The following CACNA1H variants were observed in gnomAD, a reference collection of about 807,000 sequenced individuals.
CACNA1H encodes voltage-dependent T-type calcium channel subunit alpha-1H.
Under a neutral mutation model 192.5 loss-of-function variants are expected in CACNA1H, and 149 were observed. The ratio of observed to expected loss-of-function variants is 0.77; its 90% CI spans 0.68 to 0.89. The LOEUF (loss-of-function observed/expected upper bound fraction) is 0.89, where lower values mean the gene tolerates loss of function less well. CACNA1H is among the 40% of genes least tolerant of loss of function. The probability of loss-of-function intolerance (pLI) is 0.00; values close to 1 mark genes in which losing one functional copy is unlikely to be tolerated. For missense variants in CACNA1H, 4,257 were observed against 3,423.5 expected (o/e 1.24, Z -6.08); for synonymous variants, 2,202 against 1,475.2 (o/e 1.49, Z -11.29).
intron 2 of CACNA1H, among the ~76,000 whole-genome samples, chr16:1,173,974 C>T (rs1010858076): frequency 1.3e-5 from 2 of 152,114 alleles, no homozygotes; most frequent in South Asian, 2.1e-4. Context: ...CCTCACGTCA[C>T]GTGGGGCTGT....
At chr16:1,205,890 G>T (rs1466800688) in intron 11 of CACNA1H, among the ~76,000 whole-genome samples, 1 of 152,210 alleles carries the variant, frequency 6.6e-6, no homozygotes, top group Non-Finnish European at 1.5e-5. Flanking sequence ...GGGGCACTGG[G>T]GGCCGGGTAG....
At chr16:1,153,606 A>C in intron 1 of CACNA1H, 114 bp from the exon 2 acceptor site, 2 of 545,880 alleles carry the variant, frequency 3.7e-6, no homozygotes, top group East Asian at 4.9e-5. Flanking sequence ...GTTTGTCTCT[A>C]ATAAGAAAAG....
At chr16:1,216,498 C>T (rs1033550468) in intron 30 of CACNA1H, among the ~76,000 whole-genome samples, 6 of 152,198 alleles carry the variant, frequency 3.9e-5, no homozygotes, top group Non-Finnish European at 5.9e-5. Context: ...CTGCCGGGAC[C>T]CCTCAGTCAG....
Position 1,201,935 on chromosome 16 carries a change from G to A in CACNA1H, c.1485G>A (p.Val495=). ...RWRKKVDPSA[V]QGQGPGHRQR... is the part of the protein sequence containing the mutation. ...GCAAGAAGGTGGACCCCAGTGCTGT[G>A]CAAGGCCAGGGTCCCGGGCACCGCC... The change falls in exon 9 of 35, where the codon GTG becomes GTA. Residue 495 remains valine, a synonymous_variant. Transcript: ENST00000348261. 6.5e-7 allele frequency: 1 copy of A among 1,549,192 alleles called. No individual in the cohort carries two copies. The highest frequency in any genetic ancestry group is 8.7e-7 in the Non-Finnish European group (1 of 1,146,388).
Position 1,202,145 on chromosome 16 carries a change from A to T in CACNA1H, c.1695A>T (p.Gly565=). 6.5e-7 allele frequency: 1 copy of T among 1,548,456 alleles called. No homozygotes were observed. The highest frequency in any genetic ancestry group is 1.2e-5 in the South Asian group (1 of 84,028). The change falls in exon 9 of 35, where the codon GGA becomes GGT. Residue 565 remains glycine (G), a synonymous_variant. Coordinates refer to ENST00000348261, the MANE Select transcript of CACNA1H (RefSeq NM_021098.3). The part of the protein sequence containing the change: ...APPSPPSPGR[G]PPDAESVHSI... ...CCTCGCCACCTTCCCCAGGCCGCGGACCCCCCGACGCAGAGTCTGTGCACA... is the reference window on the plus strand; with the variant it reads ...CCTCGCCACCTTCCCCAGGCCGCGGTCCCCCCGACGCAGAGTCTGTGCACA...
chr16:1,206,942 T>G, intron 12 of CACNA1H, 59 bp from the exon 13 acceptor site: 1 of 91,512 alleles, frequency 1.1e-5, no homozygotes, highest in African/African-American at 8.6e-5. Flanking sequence ...CTCCCCCACC[T>G]TCTTCCGCTC....
At chr16:1,187,974 TGTCA>T (rs1455686772) in intron 2 of CACNA1H, among the ~76,000 whole-genome samples, 2 of 152,176 alleles carry the variant, frequency 1.3e-5, no homozygotes, top group African/African-American at 2.4e-5. Context: ...GGCCGAGCCG[TGTCA>T]GTCAGGAGAG....
At chr16:1,216,717 C>T (rs1421967691) in intron 30 of CACNA1H, among the ~76,000 whole-genome samples, 2 of 152,170 alleles carry the variant, frequency 1.3e-5, no homozygotes, top group East Asian at 3.9e-4. Context: ...GCTCTGTCTA[C>T]CTGGTGAGGT....
At chr16:1,178,111 C>T (rs1345254375) in intron 2 of CACNA1H, among the ~76,000 whole-genome samples, 1 of 112,700 alleles carries the variant, frequency 8.9e-6, no homozygotes, top group Non-Finnish European at 1.9e-5. Context: ...CTCCCCCGCC[C>T]CCTCTCCCTG....
At chr16:1,153,627 C>T (rs1961872897) in intron 1 of CACNA1H, 93 bp from the exon 2 acceptor site, 8 of 790,754 alleles carry the variant, frequency 1.0e-5, no homozygotes, top group South Asian at 6.5e-5. Flanking sequence ...ACAAAGACAT[C>T]CCGGCGGCCG....
At chr16:1,185,508 C>G (rs935686475) in intron 2 of CACNA1H, among the ~76,000 whole-genome samples, 2 of 146,290 alleles carry the variant, frequency 1.4e-5, no homozygotes, top group Admixed American at 1.4e-4. Flanking sequence ...GAGTCCCCCC[C>G]CCCGCCGAGT....
At chr16:1,193,657 T>C (rs770662654) in intron 2 of CACNA1H, among the ~76,000 whole-genome samples, 1 of 152,212 alleles carries the variant, frequency 6.6e-6, no homozygotes, top group Non-Finnish European at 1.5e-5. Context: ...CAGAGGCGCC[T>C]GTTACCGCTG....
chr16:1,201,239 C>T (rs980917987), intron 8 of CACNA1H, among the ~76,000 whole-genome samples: 1 of 152,156 alleles, frequency 6.6e-6, no homozygotes, highest in Non-Finnish European at 1.5e-5. Flanking sequence ...GTAACAGAAG[C>T]AGACAGACGT....
rs1228639058 is a variant in CACNA1H at position 1,200,260 on chromosome 16, A to G, written c.808A>G (p.Asn270Asp). 1.3e-6 allele frequency: 2 copies of G among 1,596,328 alleles called. No individual in the cohort carries two copies. The highest frequency in any genetic ancestry group is 2.3e-5 in the South Asian group (2 of 88,816). The change falls in exon 7 of 35, where the codon AAC (asparagine) becomes GAC (aspartate). Residue 270 changes from asparagine (N) to aspartate (D), a missense_variant. Asn to Asp is a conservative substitution (Grantham distance 23). Coordinates refer to ENST00000348261, the MANE Select transcript of CACNA1H (RefSeq NM_021098.3). The stretch of plus-strand genomic sequence containing the variant: ...CCTGGCTGTGCCCATCCCCAGGAAC[A>G]ACAACCTGACCTTCCTGCGGCCGTA... ...CFLDSAFVRN[N>D]NLTFLRPYYQ...
chr16:1,193,828 G>A lies in CACNA1H; in HGVS notation c.300-1144G>A, dbSNP rs60154047. 8.3e-4 allele frequency among the ~76,000 whole-genome samples: 127 copies of A among 152,238 alleles called. No individual in the cohort carries two copies. The East Asian group carries it at 0.021, about 25-fold the overall frequency. ...ATGAGCTGCTGGGGTCCCTGGGGGA[G>A]GGGCTCCAGGCTGGAGTGACAGGTG... is the stretch of plus-strand genomic sequence containing the variant. On this transcript the variant is annotated intron_variant, in intron 2 of 34. Coordinates refer to ENST00000348261, the MANE Select transcript of CACNA1H (RefSeq NM_021098.3).
intron 2 of CACNA1H, among the ~76,000 whole-genome samples, chr16:1,159,205 T>G (rs1006286030): frequency 2.6e-5 from 4 of 151,968 alleles, no homozygotes; most frequent in African/African-American, 9.7e-5. Context: ...TATCCCGGGG[T>G]AGAACGAGGC....
At chr16:1,194,411 G>A (rs1294306148) in intron 2 of CACNA1H, among the ~76,000 whole-genome samples, 1 of 152,186 alleles carries the variant, frequency 6.6e-6, no homozygotes, top group Non-Finnish European at 1.5e-5. Context: ...GGTCAGGGTG[G>A]GGCCGCGCAG....
At chr16:1,185,243 C>T (rs1449615517) in intron 2 of CACNA1H, among the ~76,000 whole-genome samples, 3 of 152,198 alleles carry the variant, frequency 2.0e-5, no homozygotes, top group African/African-American at 7.2e-5. Context: ...TCCGTTTGTT[C>T]ACGGGTCTGT....
In CACNA1H at chr16:1,209,325, G is replaced by A. The variant is rs368639097; in HGVS notation, c.3657G>A (p.Gly1219=). ...LPPTKCRDRD[G]QVVALPSDFF... The stretch of plus-strand genomic sequence containing the variant: ...CTACCAAGTGCCGCGATCGCGACGG[G>A]CAGGTGGTGGCCCTGCCCAGCGACT... The change falls in exon 17 of 35, where the codon GGG becomes GGA. Residue 1219 remains glycine (G), a synonymous_variant. Transcript: ENST00000348261. The A allele has an allele frequency of 3.8e-6, 6 of 1,597,822 alleles. No individual in the cohort carries two copies. The Admixed American group carries it at 5.0e-5, about 13-fold the overall frequency.
Sources: gnomAD v4.1 joint callset for allele counts (sites outside exome capture counted in the v4.1 genomes callset) on GRCh38, gnomAD v4.1.1 for gene constraint, MANE v1.5 for transcripts, NCBI Gene and HGNC (gene_info 2026-07-23, HGNC 2026-07-21) for gene names.